The following FOCAD variants were observed in gnomAD, a reference collection of about 807,000 sequenced individuals.
The protein encoded by FOCAD is focadhesin, also known as KIAA1797.
In FOCAD, 198 loss-of-function variants were observed where a neutral mutation model predicts 225.6. That is an observed-to-expected ratio of 0.88 (90% CI 0.78 to 0.99). The LOEUF is 0.99. Among genes scored for constraint, FOCAD ranks in the 50% least tolerant of loss-of-function variants. The pLI is 0.00. For synonymous variants in FOCAD, 897 were observed against 755.0 expected, an observed-to-expected ratio of 1.19 and a Z score of -3.08; for missense variants, 2,713 against 2,123.6, an observed-to-expected ratio of 1.28 and a Z score of -5.46.
At chr9:20,695,023 A>G (rs1203904536) in intron 1 of FOCAD, among the ~76,000 whole-genome samples, 1 of 152,024 alleles carries the variant, frequency 6.6e-6, no homozygotes, top group African/African-American at 2.4e-5. Context: ...TTCCCATGTC[A>G]TTGATTTGTT....
chr9:20,774,426 C>G (rs975272920), intron 8 of FOCAD, among the ~76,000 whole-genome samples: 6 of 152,170 alleles, frequency 3.9e-5, no homozygotes, highest in Non-Finnish European at 7.3e-5. Context: ...TGGTAATGTT[C>G]TAATCCTATC....
chr9:20,901,409 T>A lies in FOCAD; in HGVS notation c.2626-5741T>A, dbSNP rs112496494. Among the ~76,000 whole-genome samples, 990 of 152,048 alleles carry A rather than the reference T, an allele frequency of 6.5e-3. 7 individuals carry two copies. The highest frequency in any genetic ancestry group is 0.023 in the African/African-American group (939 of 41,516). ...CTTAGTTTACTTGTCAATTTTTACA[T>A]GCTACTCTTCCAATCCCATTCTAGT... On this transcript the variant is annotated intron_variant, in intron 21 of 43. Coordinates refer to ENST00000338382, the MANE Select transcript of FOCAD (RefSeq NM_001375567.1).
intron 27 of FOCAD, among the ~76,000 whole-genome samples, chr9:20,930,920 G>A (rs1481145247): frequency 6.6e-6 from 1 of 151,986 alleles, no homozygotes; most frequent in Non-Finnish European, 1.5e-5. Flanking sequence ...TTTTCCCTTT[G>A]CTACTATGCT....
intron 23 of FOCAD, among the ~76,000 whole-genome samples, chr9:20,914,356 TA>T (rs35759843): frequency 0.14 from 21,937 of 151,972 alleles, 1,725 homozygotes; most frequent in East Asian, 0.18. Context: ...AAACCTGTAA[TA>T]AACAAATAAA....
At chr9:20,721,836 C>G (rs532975930) in intron 4 of FOCAD, among the ~76,000 whole-genome samples, 1 of 151,300 alleles carries the variant, frequency 6.6e-6, no homozygotes, top group African/African-American at 2.4e-5. Context: ...CTTTTTGGCA[C>G]CTTGGTCTTA....
At chr9:20,966,813 TC>T (rs1351501735) in intron 35 of FOCAD, among the ~76,000 whole-genome samples, 2 of 152,050 alleles carry the variant, frequency 1.3e-5, no homozygotes, top group African/African-American at 4.8e-5. Context: ...TTGTCAAAAA[TC>T]AATTGGGTAT....
At chr9:20,704,846 T>C (rs1824251339) in intron 1 of FOCAD, among the ~76,000 whole-genome samples, 1 of 152,190 alleles carries the variant, frequency 6.6e-6, no homozygotes, top group Non-Finnish European at 1.5e-5. Flanking sequence ...TTAGTCAAGA[T>C]TTTCCTATTT....
chr9:20,801,272 A>G (rs1030272654), intron 11 of FOCAD, among the ~76,000 whole-genome samples: 2 of 152,186 alleles, frequency 1.3e-5, no homozygotes, highest in African/African-American at 4.8e-5. Context: ...AGGGGGTTTT[A>G]TAATGATTAA....
intron 43 of FOCAD, among the ~76,000 whole-genome samples, 183 bp from the exon 44 acceptor site, chr9:20,995,373 A>C (rs1391486083): frequency 5.6e-5 from 5 of 88,600 alleles, no homozygotes; most frequent in Non-Finnish European, 9.3e-5. Flanking sequence ...AAAAAAAAAA[A>C]AAAACAACTT....
At chr9:20,861,275 TG>T (rs1828750394) in intron 15 of FOCAD, among the ~76,000 whole-genome samples, 1 of 152,224 alleles carries the variant, frequency 6.6e-6, no homozygotes, top group Non-Finnish European at 1.5e-5. Flanking sequence ...CTTTATATTT[TG>T]TTGTTTCTGT....
intron 35 of FOCAD, among the ~76,000 whole-genome samples, chr9:20,966,523 G>T (rs1412784329): frequency 6.6e-6 from 1 of 152,064 alleles, no homozygotes; most frequent in Non-Finnish European, 1.5e-5. Flanking sequence ...AACTTCGACA[G>T]AGTCCAATTT....
At chr9:20,708,108 T>C (rs1034261085) in intron 1 of FOCAD, among the ~76,000 whole-genome samples, 5 of 152,220 alleles carry the variant, frequency 3.3e-5, no homozygotes, top group African/African-American at 1.2e-4. Context: ...TTGGTGACTC[T>C]AGAATCCACC....
chr9:20,692,922 A>G (rs180716323), intron 1 of FOCAD, among the ~76,000 whole-genome samples: 3 of 152,258 alleles, frequency 2.0e-5, no homozygotes, highest in Admixed American at 6.5e-5. Flanking sequence ...ATTGGGAGCA[A>G]TTGGAGGCCA....
intron 2 of FOCAD, among the ~76,000 whole-genome samples, chr9:20,674,038 A>C (rs1008716323): frequency 2.0e-5 from 3 of 152,216 alleles, no homozygotes; most frequent in African/African-American, 7.2e-5. Context: ...GAAGCGAGGC[A>C]CTGGGTCTAT....
intron 11 of FOCAD, among the ~76,000 whole-genome samples, chr9:20,801,090 C>A (rs893543281): frequency 6.6e-6 from 1 of 152,108 alleles, no homozygotes; most frequent in Non-Finnish European, 1.5e-5. Flanking sequence ...ACTTCAGGTG[C>A]GTTGGAGTTT....
chr9:20,905,857 A>T (rs1832912523), intron 21 of FOCAD, among the ~76,000 whole-genome samples: 1 of 151,812 alleles, frequency 6.6e-6, no homozygotes, highest in African/African-American at 2.4e-5. Context: ...TGTAGTACTT[A>T]TTCAGGAAAA....
upstream of FOCAD, chr9:20,683,470 T>A (rs546256817): frequency 2.6e-5 from 4 of 152,306 alleles, no homozygotes; most frequent in East Asian, 7.7e-4. Context: ...CTCGTTTTTT[T>A]CTGCTGGCTC....
intron 9 of FOCAD, among the ~76,000 whole-genome samples, chr9:20,780,900 G>A (rs772512499): frequency 5.2e-4 from 79 of 152,128 alleles, no homozygotes; most frequent in Non-Finnish European, 5.0e-4. Context: ...TCATGTTAAG[G>A]TTTGACCTCC....
intron 5 of FOCAD, among the ~76,000 whole-genome samples, chr9:20,754,295 A>T (rs1828842181): frequency 6.6e-6 from 1 of 152,186 alleles, no homozygotes; most frequent in Admixed American, 6.5e-5. Context: ...ATAATTTTTT[A>T]AGTAGGAAAA....
Sources: allele counts gnomAD v4.1 joint callset (sites outside exome capture counted in the v4.1 genomes callset), GRCh38; gene constraint gnomAD v4.1.1; transcripts MANE v1.5; gene names NCBI Gene and HGNC (gene_info 2026-07-23, HGNC 2026-07-21).